APBB3: variants seen among roughly 807,000 people sequenced by gnomAD.
The protein encoded by APBB3 is amyloid-beta A4 precursor protein-binding family B member 3.
APBB3 carries 50 observed loss-of-function variants against 61.5 expected under a neutral mutation model. The ratio of observed to expected loss-of-function variants is 0.81; its 90% CI spans 0.65 to 1.03. The LOEUF (loss-of-function observed/expected upper bound fraction) is 1.03. Ranked by LOEUF, APBB3 falls within the 50% of genes least tolerant of loss-of-function variation. APBB3 has a pLI of 0.00. For synonymous variants in APBB3, 235 were observed against 233.0 expected, an observed-to-expected ratio of 1.01 and a Z score of -0.08; for missense variants, 550 against 637.4, an observed-to-expected ratio of 0.86 and a Z score of 1.48.
At position 140,560,861 on chromosome 5, in the gene APBB3, C is replaced by T; in HGVS notation, c.917-107G>A. ...GATTCAGAGATAGGGAATAGGATAG[C>T]TGGGGCAAGCCTTAGAATTCTGATT... On this transcript the variant is annotated intron_variant, in intron 10 of 12. Transcript: ENST00000357560. This position sits in a 1 kb window ranked among gnomAD's most constrained non-coding sequence, Gnocchi z 5.1. The T allele has an allele frequency of 7.2e-7, 1 of 1,386,204 alleles. No homozygotes were observed. The highest frequency in any genetic ancestry group is 1.0e-6 in the Non-Finnish European group (1 of 989,882). The allele number at this position is 1,386,204 out of a possible 1,614,324, so 85.9% of individuals were successfully genotyped here.
At position 140,561,090 on chromosome 5, in the gene APBB3, C is replaced by G. The variant is rs757408591; in HGVS notation, c.844G>C (p.Asp282His). 1.2e-6 allele frequency: 2 copies of G among 1,614,116 alleles called. No homozygotes were observed. The highest frequency in any genetic ancestry group is 1.6e-4 in the Middle Eastern group (1 of 6,062). The change falls in exon 10 of 13, where the codon GAT becomes CAT. Residue 282 changes from aspartate to histidine, a missense_variant. By Grantham distance (81) the Asp-to-His change is moderately conservative (BLOSUM62 -1). This residue lies in a region of APBB3 where 405 missense variants were observed against 483.4 expected (regional missense o/e 0.84). Transcript: ENST00000357560. ...EDLPRQVELL[D>H]AVSQAAQKYE... ...TTCTGAGCAGCTTGGCTTACCGCAT[C>G]CAGCAGCTCCACTGAAATATACACA...
Position 140,562,428 on chromosome 5 carries a change from A to C in APBB3, c.423T>G (p.Ile141Met). The C allele has an allele frequency of 6.2e-7, 1 of 1,614,178 alleles. No individual in the cohort carries two copies. Among genetic ancestry groups the C allele is most frequent in the African/African-American group, 1.3e-5 (1 of 75,050 alleles). The change falls in exon 5 of 13, where the codon ATT becomes ATG. Residue 141 changes from isoleucine (I) to methionine (M), a missense_variant. Around this residue, in one of 3 missense-constraint regions of APBB3, gnomAD observed 405 missense variants for 483.4 expected, o/e 0.84. Transcript: ENST00000357560. The part of the protein sequence containing the change: ...EEDLAPGKSS[I>M]AVNNCIQQLA... ...GCTGCTGGATACAGTTATTGACTGC[A>C]ATACTGCTCTTCCCCGGTGCCAGGT...
At chr5:140,561,491 G>A (rs767796390) in intron 8 of APBB3, 42 bp from the exon 9 acceptor site, 5 of 1,613,802 alleles carry the variant, frequency 3.1e-6, no homozygotes, top group Admixed American at 3.3e-5. Context: ...GGGAGAGAGG[G>A]GAATTAGGGT....
At position 140,560,165 on chromosome 5, in the gene APBB3, C is replaced by A. The variant is rs745811474; in HGVS notation, c.1224+148G>T. 18 of 844,844 alleles carry A rather than the reference C, an allele frequency of 2.1e-5. No individual in the cohort carries two copies. The highest frequency in any genetic ancestry group is 3.2e-5 in the Non-Finnish European group (18 of 555,394). 52.3% of individuals were successfully genotyped at this position (844,844 alleles called of 1,614,324 possible). ...AATATTGGCAACTAATTAAAACTTA[C>A]TAAAAACAACATGAGGGCCAAAACA... On this transcript the variant is annotated intron_variant, in intron 12 of 12. Transcript: ENST00000357560. This position sits in a 1 kb window ranked among gnomAD's most constrained non-coding sequence, Gnocchi z 5.1.
rs761395698 is a variant in APBB3, at chr5:140,560,713, T to A, written c.958A>T (p.Arg320Trp). The A allele has an allele frequency of 1.9e-6, 3 of 1,614,030 alleles. No homozygotes were observed. Among genetic ancestry groups the A allele is most frequent in the Non-Finnish European group, 2.5e-6 (3 of 1,180,016 alleles). The change falls in exon 11 of 13, where the codon AGG becomes TGG. Residue 320 changes from arginine to tryptophan, a missense_variant. By Grantham distance (101) the Arg-to-Trp change is moderately radical. Coordinates refer to ENST00000357560, the MANE Select transcript of APBB3 (RefSeq NM_133173.3). The surrounding 1 kb of genome is among the most constrained non-coding windows in gnomAD (Gnocchi z 5.1). ...GGGACCCAGGCATTCCGGTCCCCCC[T>A]GGCGGTGAGGGTACCAATGGCCTCG... ...LNEAIGTLTA[R>W]GDRNAWVPTM...
At position 140,561,650 on chromosome 5, in the gene APBB3, A is replaced by G; in HGVS notation, c.684T>C (p.His228=). 1 of 1,614,214 alleles carries G rather than the reference A, an allele frequency of 6.2e-7. No homozygotes were observed. Among genetic ancestry groups the G allele is most frequent in the Non-Finnish European group, 8.5e-7 (1 of 1,180,022 alleles). Residue 228 remains histidine, a synonymous_variant, in exon 8 of 13, where the codon CAT becomes CAC. Coordinates refer to ENST00000357560, the MANE Select transcript of APBB3 (RefSeq NM_133173.3). The stretch of plus-strand genomic sequence containing the variant: ...TGGCAGGGACATCACAGCAAAACAC[A>G]TGGCACTTGAGCATACAGCTATCTT... ...SDKDSCMLKC[H]VFCCDVPAKA... is the part of the protein sequence containing the mutation.
rs750165941 is a variant in APBB3, at chr5:140,563,686, TAGTC to T, written c.214-20_214-17del. The T allele has an allele frequency of 2.0e-5, 33 of 1,613,912 alleles. No homozygotes were observed. Among genetic ancestry groups the T allele is most frequent in the African/African-American group, 6.7e-5 (5 of 74,896 alleles). The stretch of plus-strand genomic sequence containing the variant: ...CCTCCGTTCCCTGTAGAGTGGGAGT[TAGTC>T]AGTTTAACAGCAGACCTAGGTCCAC... On this transcript the variant is annotated splice_polypyrimidine_tract_variant and intron_variant, in intron 2 of 12. Transcript: ENST00000357560.
rs748298466 is a variant in APBB3 at position 140,560,745 on chromosome 5, A to G, written c.926T>C (p.Val309Ala). The change falls in exon 11 of 13, where the codon GTG becomes GCG. Residue 309 changes from valine (V) to alanine (A), a missense_variant. Coordinates refer to ENST00000357560, the MANE Select transcript of APBB3 (RefSeq NM_133173.3). The surrounding 1 kb of genome is among the most constrained non-coding windows in gnomAD (Gnocchi z 5.1). ...GAGGGTACCAATGGCCTCGTTCAGC[A>G]CATCCATGCCTGGGGGAACATACCC... Reference protein sequence around the residue: ...LPVTKAMGMDVLNEAIGTLTA... With the variant: ...LPVTKAMGMDALNEAIGTLTA... 6.2e-7 allele frequency: 1 copy of G among 1,614,096 alleles called. No homozygotes were observed. The highest frequency in any genetic ancestry group is 1.1e-5 in the South Asian group (1 of 91,084).
rs773718965 is a variant in APBB3, at chr5:140,560,549, G to A, written c.1033-45C>T. 4.4e-6 allele frequency: 7 copies of A among 1,606,226 alleles called. No individual in the cohort carries two copies. The Admixed American group carries it at 1.2e-4, about 27-fold the overall frequency. On this transcript the variant is annotated intron_variant, in intron 11 of 12. Transcript: ENST00000357560. The surrounding 1 kb of genome is among the most constrained non-coding windows in gnomAD (Gnocchi z 5.1). ...TCACTAGAGGGCCAAGCACGGGCCAGACCCACTTAACTTTTCCGACAGCAA... is the reference window on the plus strand; with the variant it reads ...TCACTAGAGGGCCAAGCACGGGCCAAACCCACTTAACTTTTCCGACAGCAA...
Position 140,558,789 on chromosome 5 carries a change from T to C in APBB3, c.1257A>G (p.Ala419=). ...GGGCACCCCAGGCCTTGCCTCGAGC[T>C]GCAGAGGCCACAAGACACTTCTGGT... ...VQYQKCLVAS[A]ARGKAWGAQA... The change falls in exon 13 of 13, where the codon GCA becomes GCG. Residue 419 remains alanine, a synonymous_variant. Transcript: ENST00000357560. 1.2e-6 allele frequency: 2 copies of C among 1,610,980 alleles called. No homozygotes were observed. The highest frequency in any genetic ancestry group is 1.7e-6 in the Non-Finnish European group (2 of 1,179,316).
chr5:140,564,375 TACGGGGCGGGACACGGGGCGGGAC>T lies in APBB3; in HGVS notation c.-154_-131del, dbSNP rs544602778. The T allele has an allele frequency of 7.3e-5, 76 of 1,039,510 alleles. No homozygotes were observed. The African/African-American group carries it at 9.4e-4, about 13-fold the overall frequency. 64.4% of individuals were successfully genotyped at this position (1,039,510 alleles called of 1,614,324 possible). ...GCGGGGCCAGCTGGCGCCGCACAAA[TACGGGGCGGGACACGGGGCGGGAC>T]ACGGGCCGGTCCCGGGGGAGGGCCT... On this transcript the variant is annotated 5_prime_UTR_variant, in exon 1 of 13. Coordinates refer to ENST00000357560, the MANE Select transcript of APBB3 (RefSeq NM_133173.3). The surrounding 1 kb of genome is among the most constrained non-coding windows in gnomAD (Gnocchi z 5.0).
At position 140,560,617 on chromosome 5, in the gene APBB3, C is replaced by T; in HGVS notation, c.1032+22G>A. ...TCCCTGCTCACCCCTCCAAAGCCCC[C>T]AACTTCACCCTCTTCTGGTACCTGA... On this transcript the variant is annotated intron_variant, in intron 11 of 12. Transcript: ENST00000357560. The surrounding 1 kb of genome is among the most constrained non-coding windows in gnomAD (Gnocchi z 5.1). 7 of 1,613,054 alleles carry T rather than the reference C, an allele frequency of 4.3e-6. No homozygotes were observed. The highest frequency in any genetic ancestry group is 5.9e-6 in the Non-Finnish European group (7 of 1,179,096).
rs779443597 is a variant in APBB3 at position 140,562,209 on chromosome 5, T to C, written c.517A>G (p.Ile173Val). Residue 173 changes from isoleucine (I) to valine (V), a missense_variant, in exon 6 of 13, where the codon ATC (isoleucine) becomes GTC (valine). Physicochemically the swap from Ile to Val is conservative, Grantham distance 29. Around this residue, in one of 3 missense-constraint regions of APBB3, gnomAD observed 405 missense variants for 483.4 expected, o/e 0.84. Transcript: ENST00000357560. Reference protein sequence around the residue: ...AWGEGQNMLMILKKDAMSLVN... With the variant: ...AWGEGQNMLMVLKKDAMSLVN... ...AGGCTCATGGCATCCTTCTTCAGGA[T>C]CATCAGCATGTTCTGGCCCTGCCAA... 6.2e-7 allele frequency: 1 copy of C among 1,614,168 alleles called. No homozygotes were observed. Among genetic ancestry groups the C allele is most frequent in the South Asian group, 1.1e-5 (1 of 91,088 alleles).
chr5:140,563,846 T>C lies in APBB3; in HGVS notation c.119A>G (p.Asp40Gly), dbSNP rs1755085711. The C allele has an allele frequency of 2.5e-6, 4 of 1,614,194 alleles. No homozygotes were observed. Among genetic ancestry groups the C allele is most frequent in the Non-Finnish European group, 3.4e-6 (4 of 1,180,028 alleles). ...ATGCCAGTAGTAAGTACCTGCAGCA[T>C]CGTGGATCTTCCTCCAGCCAGGAGG... ...GLPPGWRKIH[D>G]AAGTYYWHVP... is the part of the protein sequence containing the mutation. The change falls in exon 2 of 13, where the codon GAT becomes GGT. Residue 40 changes from aspartate to glycine, a missense_variant. By Grantham distance (94) the Asp-to-Gly change is moderately conservative. Around this residue, in one of 3 missense-constraint regions of APBB3, gnomAD observed 405 missense variants for 483.4 expected, o/e 0.84. Coordinates refer to ENST00000357560, the MANE Select transcript of APBB3 (RefSeq NM_133173.3).
chr5:140,561,471 A>G lies in APBB3; in HGVS notation c.748-22T>C, dbSNP rs765318425. 25 of 1,614,166 alleles carry G rather than the reference A, an allele frequency of 1.5e-5. No individual in the cohort carries two copies. In the Middle Eastern group the frequency reaches 1.2e-3, roughly 75 times the overall value. On this transcript the variant is annotated intron_variant, in intron 8 of 12. Transcript: ENST00000357560. ...AGATCTAAAACACAATGAAGCCAGC[A>G]TGACCCACAGGGAGAGAGGGGAATT...
rs1468092676 is a variant in APBB3, at chr5:140,564,114, G to A, written c.49+83C>T. The A allele has an allele frequency of 6.3e-6, 10 of 1,587,888 alleles. No individual in the cohort carries two copies. In the Admixed American group the frequency reaches 1.2e-4, roughly 19 times the overall value. On this transcript the variant is annotated intron_variant, in intron 1 of 12. Coordinates refer to ENST00000357560, the MANE Select transcript of APBB3 (RefSeq NM_133173.3). The surrounding 1 kb of genome is among the most constrained non-coding windows in gnomAD (Gnocchi z 5.0). Reference sequence around the variant, plus strand: ...CCTACACAGAGAGGTATCCCCCACCGTCTTTGAGCCCCAGAGTAGCCTTTC... The same window carrying A: ...CCTACACAGAGAGGTATCCCCCACCATCTTTGAGCCCCAGAGTAGCCTTTC...
rs1755114208 is a variant in APBB3 at position 140,564,303 on chromosome 5, T to G, written c.-58A>C. 2 of 1,593,238 alleles carry G rather than the reference T, an allele frequency of 1.3e-6. No individual in the cohort carries two copies. The highest frequency in any genetic ancestry group is 1.7e-6 in the Non-Finnish European group (2 of 1,174,434). ...CCCGCACTCTCAGCCCAGCGCGACC[T>G]CTGGAGCTACTGCGCCTGCAAGCCC... On this transcript the variant is annotated 5_prime_UTR_variant, in exon 1 of 13. Transcript: ENST00000357560. The surrounding 1 kb of genome is among the most constrained non-coding windows in gnomAD (Gnocchi z 5.0).
Position 140,558,713 on chromosome 5 carries a change from C to T in APBB3, c.1333G>A (p.Gly445Arg), listed in dbSNP as rs1754813268. 1 of 1,610,006 alleles carries T rather than the reference C, an allele frequency of 6.2e-7. No homozygotes were observed. The highest frequency in any genetic ancestry group is 1.1e-5 in the South Asian group (1 of 90,692). ...LKRTSSMDSP[G>R]GPLPLPLLKG... ...AGCAGGGGGAGGGGCAGGGGACCTC[C>T]TGGGGAATCCATGGAGCTGGTCCGC... Residue 445 changes from glycine to arginine, a missense_variant, in exon 13 of 13, where the codon GGA (glycine) becomes AGA (arginine). Coordinates refer to ENST00000357560, the MANE Select transcript of APBB3 (RefSeq NM_133173.3).
At position 140,560,312 on chromosome 5, in the gene APBB3, CCATA is replaced by C. The variant is rs1271967064; in HGVS notation, c.1221_1224del (p.Cys407TrpfsTer71). On this transcript the variant is annotated frameshift_variant and splice_region_variant, in exon 12 of 13. Coordinates refer to ENST00000357560, the MANE Select transcript of APBB3 (RefSeq NM_133173.3). LOFTEE classifies it high-confidence loss of function. The surrounding 1 kb of genome is among the most constrained non-coding windows in gnomAD (Gnocchi z 5.1). ...CCAACCCATTCCCACCCATGACTCA[CCATA>C]CAGGCAGCCTGCACAGCTTCAGAGA... 1 of 1,611,208 alleles carries C rather than the reference CCATA, an allele frequency of 6.2e-7. No homozygotes were observed. The highest frequency in any genetic ancestry group is 1.7e-5 in the Admixed American group (1 of 59,902).
Sources: gnomAD v4.1 joint callset for allele counts on GRCh38, gnomAD v4.1.1 for gene constraint, gnomAD v4.1.1 regional missense constraint, Gnocchi (gnomAD v3.1) non-coding constraint, MANE v1.5 for transcripts, NCBI Gene and HGNC (gene_info 2026-07-23, HGNC 2026-07-21) for gene names.